The following CHRDL1 variants were observed in gnomAD, a reference collection of about 807,000 sequenced individuals.
The protein encoded by CHRDL1 is chordin like 1.
CHRDL1 carries 19 observed loss-of-function variants against 40.9 expected under a neutral mutation model. That is an observed-to-expected ratio of 0.46 (90% CI 0.32 to 0.68). The LOEUF (loss-of-function observed/expected upper bound fraction) is 0.68. CHRDL1 is among the 30% of genes least tolerant of loss of function. CHRDL1 has a pLI of 0.03. For missense variants in CHRDL1, 329 were observed against 352.1 expected (o/e 0.93, Z 0.53); for synonymous variants, 136 against 123.4 (o/e 1.10, Z -0.68).
chrX:110,716,659 A>G (rs1208397266), intron 6 of CHRDL1, among the ~76,000 whole-genome samples: 2 of 110,752 alleles, frequency 1.8e-5, no homozygotes, highest in Admixed American at 9.7e-5. Flanking sequence ...TTAGGGATGG[A>G]AGTGGGAAGG....
intron 3 of CHRDL1, among the ~76,000 whole-genome samples, chrX:110,760,383 C>T (rs927870074): frequency 2.7e-5 from 3 of 112,485 alleles, no homozygotes; most frequent in African/African-American, 9.7e-5. Flanking sequence ...CAGCTCACAA[C>T]CATTTCTAGA....
chrX:110,751,732 A>G (rs1437043286), intron 4 of CHRDL1, among the ~76,000 whole-genome samples: 1 of 111,752 alleles, frequency 8.9e-6, no homozygotes, highest in Non-Finnish European at 1.9e-5. Context: ...AAAAAGCTAC[A>G]AATAAAACTA....
intron 4 of CHRDL1, among the ~76,000 whole-genome samples, chrX:110,726,905 G>A (rs2071068541): frequency 8.9e-6 from 1 of 111,945 alleles, no homozygotes; most frequent in African/African-American, 3.2e-5. Flanking sequence ...AAGCACTTGT[G>A]GAGGTCTTTG....
rs2069898585 is a variant in CHRDL1, at chrX:110,681,602, C to T, written c.1036G>A (p.Glu346Lys). 8.3e-7 allele frequency: 1 copy of T among 1,208,015 alleles called. No individual in the cohort carries two copies. The highest frequency in any genetic ancestry group is 1.8e-5 in the South Asian group (1 of 56,697). ...GACTCATACACAGGCATCGTTTCTT[C>T]CCCGCAGAAGTAGCCTTTATTGTCA... ...SFDNKGYFCG[E>K]ETMPVYESVF... The change falls in exon 10 of 12, where the codon GAA becomes AAA. Residue 346 changes from glutamate to lysine, a missense_variant. By Grantham distance (56) the Glu-to-Lys change is moderately conservative. Coordinates refer to ENST00000372042, the MANE Select transcript of CHRDL1 (RefSeq NM_001143981.2).
At chrX:110,773,022 T>A (rs191594753) in intron 2 of CHRDL1, among the ~76,000 whole-genome samples, 1 of 112,594 alleles carries the variant, frequency 8.9e-6, no homozygotes, top group East Asian at 2.8e-4. Context: ...AATGTCACAA[T>A]CCATAAAAGC....
intron 6 of CHRDL1, among the ~76,000 whole-genome samples, chrX:110,705,282 T>TAC (rs1491411300): frequency 0.027 from 1,147 of 41,879 alleles, 18 homozygotes; most frequent in African/African-American, 0.26. Context: ...TAATGGAGAC[T>TAC]ATATATATAT....
Position 110,795,468 on chromosome X carries a change from A to G in CHRDL1, c.-35+276T>C. On this transcript the variant is annotated intron_variant, in intron 1 of 11. Coordinates refer to ENST00000372042, the MANE Select transcript of CHRDL1 (RefSeq NM_001143981.2). ...GGGTGGAGTACCTAAGTGACCTCTC[A>G]AAGCGCCAGAGCATAAAGAAATGCA... 2.7e-5 allele frequency among the ~76,000 whole-genome samples: 3 copies of G among 111,799 alleles called. No individual in the cohort carries two copies. In the East Asian group the frequency reaches 8.6e-4, roughly 32 times the overall value.
chrX:110,712,158 A>G (rs1040821196), intron 6 of CHRDL1, among the ~76,000 whole-genome samples: 2 of 112,164 alleles, frequency 1.8e-5, no homozygotes, highest in Non-Finnish European at 3.8e-5. Context: ...GTGCAAGAAT[A>G]TATTTCTGAA....
rs1033630809 is a variant in CHRDL1, at chrX:110,739,872, A to C, written c.302-18342T>G. ...GGCACTGCCTAAAGTCAATATGCTTAGAACTTCCTCTCTGATTCAAATTCT... is the reference window on the plus strand; with the variant it reads ...GGCACTGCCTAAAGTCAATATGCTTCGAACTTCCTCTCTGATTCAAATTCT... On this transcript the variant is annotated intron_variant, in intron 4 of 11. Transcript: ENST00000372042. Among the ~76,000 whole-genome samples, 12 of 112,612 alleles carry C rather than the reference A, an allele frequency of 1.1e-4. No individual in the cohort carries two copies. The East Asian group carries it at 3.3e-3, about 31-fold the overall frequency.
At chrX:110,749,331 A>G (rs912452397) in intron 4 of CHRDL1, among the ~76,000 whole-genome samples, 7 of 111,497 alleles carry the variant, frequency 6.3e-5, no homozygotes, top group Admixed American at 2.9e-4. Context: ...CCCAAGTTTG[A>G]CGTATTTCTC....
At chrX:110,782,573 A>G (rs1454277099) in intron 2 of CHRDL1, among the ~76,000 whole-genome samples, 2 of 112,368 alleles carry the variant, frequency 1.8e-5, no homozygotes, top group African/African-American at 6.5e-5. Context: ...TTAAAAATCA[A>G]TGTTGTTTGT....
intron 4 of CHRDL1, among the ~76,000 whole-genome samples, chrX:110,750,126 C>T (rs1437179317): frequency 8.9e-6 from 1 of 111,791 alleles, no homozygotes; most frequent in Non-Finnish European, 1.9e-5. Flanking sequence ...ATCTTCCCCC[C>T]GCAACACCTG....
chrX:110,706,422 T>C (rs1217916326), intron 6 of CHRDL1, among the ~76,000 whole-genome samples: 3 of 112,199 alleles, frequency 2.7e-5, no homozygotes, highest in Admixed American at 9.5e-5. Context: ...ATGTATTGTT[T>C]ATTCAAACCT....
At chrX:110,694,026 AGACTTGATGCTAAGTGAG>A in intron 8 of CHRDL1, 119 bp downstream of exon 8, 1 of 507,499 alleles carries the variant, frequency 2.0e-6, no homozygotes, top group Non-Finnish European at 3.3e-6. Flanking sequence ...CTATACCCAC[AGACTTGATGCTAAGTGAG>A]CCACAAGTGA....
At chrX:110,748,706 A>G (rs1257124496) in intron 4 of CHRDL1, among the ~76,000 whole-genome samples, 1 of 112,558 alleles carries the variant, frequency 8.9e-6, no homozygotes, top group East Asian at 2.8e-4. Flanking sequence ...AACCTTAAAG[A>G]CATTATGCTA....
At chrX:110,678,826 A>C (rs1453116210) in intron 11 of CHRDL1, among the ~76,000 whole-genome samples, 1 of 110,777 alleles carries the variant, frequency 9.0e-6, no homozygotes, top group Admixed American at 9.7e-5. Context: ...AAAGTGGGAG[A>C]GCTGCAAGTG....
At chrX:110,790,318 C>T (rs999342545) in intron 2 of CHRDL1, among the ~76,000 whole-genome samples, 1 of 111,802 alleles carries the variant, frequency 8.9e-6, no homozygotes, top group Admixed American at 9.5e-5. Flanking sequence ...CACTTTGGCA[C>T]CAATTGAATA....
At chrX:110,703,940 C>T (rs1463916935) in intron 6 of CHRDL1, among the ~76,000 whole-genome samples, 2 of 110,647 alleles carry the variant, frequency 1.8e-5, no homozygotes, top group Non-Finnish European at 3.8e-5. Flanking sequence ...AGAGAAATTA[C>T]GCTGGTAATT....
intron 9 of CHRDL1, among the ~76,000 whole-genome samples, chrX:110,684,674 C>T (rs1341375061): frequency 8.9e-6 from 1 of 112,845 alleles, no homozygotes; most frequent in African/African-American, 3.2e-5. Context: ...GTTCACATCT[C>T]TGTCCTCAGT....
Sources: gnomAD v4.1 joint callset for allele counts (sites outside exome capture counted in the v4.1 genomes callset) on GRCh38, gnomAD v4.1.1 for gene constraint, MANE v1.5 for transcripts, NCBI Gene and HGNC (gene_info 2026-07-23, HGNC 2026-07-21) for gene names.